The following SEPTIN14 variants were observed in gnomAD, a reference collection of about 807,000 sequenced individuals.
SEPTIN14 encodes the protein septin-14.
SEPTIN14 carries 40 observed loss-of-function variants against 53.6 expected under a neutral mutation model. The ratio of observed to expected loss-of-function variants is 0.75; its 90% confidence interval spans 0.58 to 0.97. The LOEUF is 0.97. SEPTIN14 is among the 50% of genes least tolerant of loss of function. SEPTIN14 has a pLI of 0.00. For missense variants in SEPTIN14, 471 were observed against 508.2 expected, an observed-to-expected ratio of 0.93 and a Z score of 0.70; for synonymous variants, 138 against 166.8, an observed-to-expected ratio of 0.83 and a Z score of 1.33.
At chr7:55,804,952 C>T (rs1221001371) in intron 9 of SEPTIN14, among the ~76,000 whole-genome samples, 5 of 152,046 alleles carry the variant, frequency 3.3e-5, no homozygotes, top group African/African-American at 1.2e-4. Context: ...AGACTCTTCT[C>T]AGAGTAAATA....
intron 9 of SEPTIN14, among the ~76,000 whole-genome samples, chr7:55,799,887 A>G (rs1788498722): frequency 1.3e-5 from 2 of 151,944 alleles, no homozygotes; most frequent in South Asian, 4.1e-4. Context: ...GACCCAATAG[A>G]CCAAATAGGC....
chr7:55,796,510 G>A (rs949129646), intron 9 of SEPTIN14, among the ~76,000 whole-genome samples: 37 of 151,924 alleles, frequency 2.4e-4, no homozygotes, highest in African/African-American at 5.5e-4. Flanking sequence ...TGATCCTCCC[G>A]CTTTGGCCTC....
rs528509609 is a variant in SEPTIN14, at chr7:55,823,095, A to T, written c.721-3872T>A. Among the ~76,000 whole-genome samples, 117 of 152,354 alleles carry T rather than the reference A, an allele frequency of 7.7e-4. 1 individual carries two copies. Among genetic ancestry groups the T allele is most frequent in the South Asian group, 2.7e-3 (13 of 4,832 alleles). On this transcript the variant is annotated intron_variant, in intron 6 of 9. Transcript: ENST00000388975. ...GAAACCCCACTTCCAACCCAAGGATAGTTTAAAGCCTGAAAGCCAAGTTAC... is the reference window on the plus strand; with the variant it reads ...GAAACCCCACTTCCAACCCAAGGATTGTTTAAAGCCTGAAAGCCAAGTTAC...
rs1415019138 is a variant in SEPTIN14, at chr7:55,807,102, T to C, written c.974A>G (p.Asn325Ser). 6.3e-7 allele frequency: 1 copy of C among 1,589,810 alleles called. No homozygotes were observed. Among genetic ancestry groups the C allele is most frequent in the Non-Finnish European group, 8.5e-7 (1 of 1,173,180 alleles). The change falls in exon 8 of 10, where the codon AAC (asparagine) becomes AGC (serine). Residue 325 changes from asparagine to serine, a missense_variant. Transcript: ENST00000388975. The part of the protein sequence containing the change: ...KMGFTDVGPN[N>S]QPVSFQEIFE... ...TATTTTTACTCACCTAACTGGCTGG[T>C]TGTTTGGACCCACATCTGTAAAGCC...
intron 3 of SEPTIN14, among the ~76,000 whole-genome samples, chr7:55,845,429 A>C (rs1353809450): frequency 1.3e-5 from 2 of 152,216 alleles, no homozygotes; most frequent in African/African-American, 4.8e-5. Flanking sequence ...GCTAGAGGCC[A>C]TCATCCTTAG....
intron 2 of SEPTIN14, among the ~76,000 whole-genome samples, chr7:55,857,491 A>AGGGAC (rs2116082673): frequency 4.2e-5 from 1 of 23,768 alleles, no homozygotes; most frequent in African/African-American, 3.5e-4. Context: ...AGGGGAGGGG[A>AGGGAC]GGGAAGGGAA....
intron 2 of SEPTIN14, among the ~76,000 whole-genome samples, chr7:55,854,937 T>C (rs906119545): frequency 6.6e-6 from 1 of 151,720 alleles, no homozygotes; most frequent in Non-Finnish European, 1.5e-5. Flanking sequence ...CTCAGAGATG[T>C]GGAGAGCAGA....
intron 5 of SEPTIN14, among the ~76,000 whole-genome samples, chr7:55,839,351 T>C (rs1374662428): frequency 6.9e-6 from 1 of 145,422 alleles, no homozygotes; most frequent in Non-Finnish European, 1.5e-5. Flanking sequence ...ATTGTGCCAC[T>C]GCACTCCAGC....
At chr7:55,804,408 A>T (rs532602673) in intron 9 of SEPTIN14, among the ~76,000 whole-genome samples, 9 of 151,610 alleles carry the variant, frequency 5.9e-5, no homozygotes, top group Admixed American at 3.9e-4. Context: ...ATAGGCATGC[A>T]GCACCATGCC....
intron 5 of SEPTIN14, among the ~76,000 whole-genome samples, chr7:55,837,331 G>A (rs1789229758): frequency 6.6e-6 from 1 of 151,970 alleles, no homozygotes; most frequent in African/African-American, 2.4e-5. Flanking sequence ...TGTTCTAGCT[G>A]GTCTCAAACT....
At chr7:55,853,912 C>T (rs968187954) in intron 2 of SEPTIN14, among the ~76,000 whole-genome samples, 7 of 151,898 alleles carry the variant, frequency 4.6e-5, no homozygotes, top group Non-Finnish European at 7.4e-5. Flanking sequence ...CTCAGGAGTT[C>T]GAGACCAATC....
chr7:55,822,552 A>G (rs2116003082), intron 6 of SEPTIN14, among the ~76,000 whole-genome samples: 1 of 151,506 alleles, frequency 6.6e-6, no homozygotes, highest in East Asian at 1.9e-4. Context: ...AATAATAGAC[A>G]AACAGATCAA....
intron 2 of SEPTIN14, among the ~76,000 whole-genome samples, chr7:55,853,872 T>G (rs894463067): frequency 3.3e-5 from 5 of 152,254 alleles, no homozygotes; most frequent in Non-Finnish European, 7.4e-5. Context: ...CCCAGAATTT[T>G]GGGAGGCTGA....
chr7:55,852,583 T>C (rs1399477445), intron 2 of SEPTIN14, among the ~76,000 whole-genome samples: 1 of 152,104 alleles, frequency 6.6e-6, no homozygotes, highest in Non-Finnish European at 1.5e-5. Flanking sequence ...ACTATGAACC[T>C]ACTAAAAGAA....
rs2116031810 is a variant in SEPTIN14 at position 55,834,519 on chromosome 7, T to C, written c.626A>G (p.Asn209Ser). 1 of 1,611,724 alleles carries C rather than the reference T, an allele frequency of 6.2e-7. No individual in the cohort carries two copies. The highest frequency in any genetic ancestry group is 8.5e-7 in the Non-Finnish European group (1 of 1,177,860). Residue 209 changes from asparagine to serine, a missense_variant, in exon 6 of 10, where the codon AAT becomes AGT. Transcript: ENST00000388975. Reference sequence around the variant, plus strand: ...GCTAATCAATTCACTCATTATCTTATTCTTAAACGTCTGTAAATCATTTTT... The same window carrying C: ...GCTAATCAATTCACTCATTATCTTACTCTTAAACGTCTGTAAATCATTTTT... ...ISKNDLQTFKNKIMSELISNG... is the reference protein window; with the variant it reads ...ISKNDLQTFKSKIMSELISNG...
rs143065811 is a variant in SEPTIN14, at chr7:55,813,793, C to A, written c.817+5334G>T. On this transcript the variant is annotated intron_variant, in intron 7 of 9. Transcript: ENST00000388975. ...CTTCCTGGACATTTCTAGACCTACT[C>A]TGGGACAGAAGGGAACTTGCTGCAC... Among the ~76,000 whole-genome samples, 424 of 152,342 alleles carry A rather than the reference C, an allele frequency of 2.8e-3. 5 individuals are homozygous for A. Among genetic ancestry groups the A allele is most frequent in the Middle Eastern group, 0.01 (3 of 294 alleles).
chr7:55,853,059 GA>G (rs35830805), intron 2 of SEPTIN14, among the ~76,000 whole-genome samples: 1 of 152,006 alleles, frequency 6.6e-6, no homozygotes. Flanking sequence ...CGAAAATGTG[GA>G]AAAAAAGAGA....
intron 7 of SEPTIN14, among the ~76,000 whole-genome samples, chr7:55,815,180 T>C (rs1788771634): frequency 6.6e-6 from 1 of 152,116 alleles, no homozygotes. Flanking sequence ...GACCTCAAAT[T>C]ATGAAACGAC....
intron 6 of SEPTIN14, among the ~76,000 whole-genome samples, chr7:55,826,470 A>T (rs1055520949): frequency 6.6e-6 from 1 of 152,196 alleles, no homozygotes; most frequent in African/African-American, 2.4e-5. Flanking sequence ...AAAGACCAAA[A>T]GGAATACTTT....
Sources: gnomAD v4.1 joint callset for allele counts (sites outside exome capture counted in the v4.1 genomes callset) on GRCh38, gnomAD v4.1.1 for gene constraint, MANE v1.5 for transcripts, NCBI Gene and HGNC (gene_info 2026-07-23, HGNC 2026-07-21) for gene names.